The following HGSNAT variants were observed in gnomAD, a reference collection of about 807,000 sequenced individuals.
HGSNAT encodes transmembrane protein 76.
In HGSNAT, 59 loss-of-function variants were observed where a neutral mutation model predicts 85.2. The ratio of observed to expected loss-of-function variants is 0.69; its 90% CI spans 0.56 to 0.86. The LOEUF (loss-of-function observed/expected upper bound fraction) is 0.86. Among genes scored for constraint, HGSNAT ranks in the 40% least tolerant of loss-of-function variants. The pLI is 0.00. For missense variants in HGSNAT, 756 were observed against 777.1 expected (o/e 0.97, Z 0.32); for synonymous variants, 321 against 304.5 (o/e 1.05, Z -0.56).
At position 43,192,320 on chromosome 8, in the gene HGSNAT, G is replaced by A; in HGVS notation, c.1267G>A (p.Gly423Arg). 1 of 1,608,386 alleles carries A rather than the reference G, an allele frequency of 6.2e-7. No homozygotes were observed. Among genetic ancestry groups the A allele is most frequent in the Non-Finnish European group, 8.5e-7 (1 of 1,177,728 alleles). ...CCTTCCTAGTGGTTATCTTGGTCCT[G>A]GGGGCATTGGAGATTTTGGCAAGTA... ...PGCPTGYLGP[G>R]GIGDFGKYPN... The change falls in exon 13 of 18, where the codon GGG becomes AGG. Residue 423 changes from glycine (G) to arginine (R), a missense_variant. By Grantham distance (125) the Gly-to-Arg change is moderately radical (BLOSUM62 -2). Transcript: ENST00000379644.
chr8:43,194,861 A>G (rs958052726), intron 14 of HGSNAT, among the ~76,000 whole-genome samples: 2 of 152,250 alleles, frequency 1.3e-5, no homozygotes, highest in East Asian at 1.9e-4. Context: ...GTCGCCATCT[A>G]TCTGAAAACA....
intron 2 of HGSNAT, among the ~76,000 whole-genome samples, chr8:43,151,834 C>T: frequency 6.6e-6 from 1 of 152,194 alleles, no homozygotes; most frequent in East Asian, 1.9e-4. Context: ...TAACTTACAA[C>T]ACTCCAGTAG....
At position 43,183,587 on chromosome 8, in the gene HGSNAT, C is replaced by G. The variant is rs558891019; in HGVS notation, c.1128+1327C>G. On this transcript the variant is annotated intron_variant, in intron 11 of 17. Coordinates refer to ENST00000379644, the MANE Select transcript of HGSNAT (RefSeq NM_152419.3). ...CTGGGTTCACGCCGTTCTCCTGTCTCAGCCTCCTGAGTAGCTGGGACTACA... is the reference window on the plus strand; with the variant it reads ...CTGGGTTCACGCCGTTCTCCTGTCTGAGCCTCCTGAGTAGCTGGGACTACA... 3.3e-5 allele frequency among the ~76,000 whole-genome samples: 5 copies of G among 152,154 alleles called. No individual in the cohort carries two copies. In the South Asian group the frequency reaches 1.0e-3, roughly 32 times the overall value.
chr8:43,163,672 C>T (rs535173142), intron 5 of HGSNAT, among the ~76,000 whole-genome samples: 70 of 152,036 alleles, frequency 4.6e-4, no homozygotes, highest in Middle Eastern at 3.4e-3. Flanking sequence ...ATTACAGGCA[C>T]GTGACACCAT....
At chr8:43,167,543 A>C (rs1329310736) in intron 5 of HGSNAT, among the ~76,000 whole-genome samples, 2 of 152,242 alleles carry the variant, frequency 1.3e-5, no homozygotes, top group Non-Finnish European at 2.9e-5. Flanking sequence ...CTTTTTGTGC[A>C]TAATGGTATT....
intron 16 of HGSNAT, 39 bp from the exon 17 acceptor site, chr8:43,197,801 T>G: frequency 6.2e-7 from 1 of 1,601,780 alleles, no homozygotes; most frequent in Non-Finnish European, 8.6e-7. Context: ...TTGGATTTGT[T>G]CCGTACGAGC....
chr8:43,141,254 C>T (rs1586691414), intron 1 of HGSNAT, among the ~76,000 whole-genome samples: 3 of 152,296 alleles, frequency 2.0e-5, no homozygotes, highest in Non-Finnish European at 1.5e-5. Flanking sequence ...CGCGCGTCTC[C>T]CCTCGGCGCG....
intron 11 of HGSNAT, among the ~76,000 whole-genome samples, chr8:43,190,746 G>C (rs1271977053): frequency 6.6e-6 from 1 of 152,086 alleles, no homozygotes; most frequent in Non-Finnish European, 1.5e-5. Flanking sequence ...TTAAATCACA[G>C]GTATATTGAT....
intron 2 of HGSNAT, among the ~76,000 whole-genome samples, chr8:43,149,243 T>G (rs1802815569): frequency 6.6e-6 from 1 of 151,970 alleles, no homozygotes; most frequent in South Asian, 2.1e-4. Context: ...TATAAAGAAG[T>G]GACACAGGGT....
chr8:43,149,800 A>G (rs1219094055), intron 2 of HGSNAT, among the ~76,000 whole-genome samples: 2 of 152,220 alleles, frequency 1.3e-5, no homozygotes, highest in South Asian at 2.1e-4. Flanking sequence ...TACATTTAGT[A>G]AACCAGATAA....
At chr8:43,197,127 C>T in intron 15 of HGSNAT, 102 bp downstream of exon 15, 1 of 762,764 alleles carries the variant, frequency 1.3e-6, no homozygotes, top group Admixed American at 2.1e-5. Flanking sequence ...ATTGTCACCA[C>T]ATGGCAGCAG....
In HGSNAT at chr8:43,201,370, T is replaced by C. The variant is rs3739431; in HGVS notation, c.*1801T>C. 0.88 allele frequency: 134,291 copies of C among 152,492 alleles called. 59,986 individuals carry two copies. Among genetic ancestry groups the C allele is most frequent in the Non-Finnish European group, 0.97 (66,015 of 68,238 alleles). 9.4% of individuals were successfully genotyped at this position (152,492 alleles called of 1,614,324 possible). On this transcript the variant is annotated 3_prime_UTR_variant, in exon 18 of 18. Coordinates refer to ENST00000379644, the MANE Select transcript of HGSNAT (RefSeq NM_152419.3). The surrounding 1 kb of genome is among the most constrained non-coding windows in gnomAD (Gnocchi z 4.4). Reference sequence around the variant, plus strand: ...TCCCCTCCCACTCCACTCCCTGCTCTCTCCTCCACCTCCCCATCCTCTTGT... The same window carrying C: ...TCCCCTCCCACTCCACTCCCTGCTCCCTCCTCCACCTCCCCATCCTCTTGT...
At chr8:43,158,291 G>T (rs1456385782) in intron 2 of HGSNAT, among the ~76,000 whole-genome samples, 2 of 152,118 alleles carry the variant, frequency 1.3e-5, no homozygotes, top group African/African-American at 4.8e-5. Context: ...GTAGAGACAG[G>T]GTTTCACCAT....
At chr8:43,174,601 CTTA>C (rs1205032044) in intron 9 of HGSNAT, among the ~76,000 whole-genome samples, 6 of 151,850 alleles carry the variant, frequency 4.0e-5, no homozygotes, top group Admixed American at 1.3e-4. Context: ...TAGTACCAGC[CTTA>C]TTATTGTTAT....
At chr8:43,197,979 G>A in intron 17 of HGSNAT, 27 bp downstream of exon 17, 1 of 1,524,488 alleles carries the variant, frequency 6.6e-7, no homozygotes, top group South Asian at 1.1e-5. Context: ...CTCAAACAGA[G>A]CTGGGATGGT....
rs1304780108 is a variant in HGSNAT, at chr8:43,147,014, T to C, written c.185T>C (p.Leu62Pro). 2.5e-6 allele frequency: 4 copies of C among 1,609,674 alleles called. No individual in the cohort carries two copies. In the Admixed American group the frequency reaches 6.8e-5, roughly 27 times the overall value. Residue 62 changes from leucine (L) to proline (P), a missense_variant, in exon 2 of 18, where the codon CTT becomes CCT. Physicochemically the swap from Leu to Pro is moderately conservative, Grantham distance 98. Transcript: ENST00000379644. Reference protein sequence around the residue: ...DQALLLIHNELLWTNLTVYWK... With the variant: ...DQALLLIHNEPLWTNLTVYWK... ...GCTTTGCTACTCATCCATAATGAAC[T>C]TCTCTGGACCAACTTGACCGTCTAC...
At chr8:43,185,612 A>G (rs1370766191) in intron 11 of HGSNAT, among the ~76,000 whole-genome samples, 1 of 152,150 alleles carries the variant, frequency 6.6e-6, no homozygotes, top group African/African-American at 2.4e-5. Context: ...CTCCTTTCCT[A>G]ATTGAATACC....
rs113118351 is a variant in HGSNAT, at chr8:43,195,344, C to T, written c.1464+1501C>T. 6.4e-3 allele frequency among the ~76,000 whole-genome samples: 967 copies of T among 152,114 alleles called. 13 individuals are homozygous for T. The highest frequency in any genetic ancestry group is 0.022 in the African/African-American group (903 of 41,488). On this transcript the variant is annotated intron_variant, in intron 14 of 17. Transcript: ENST00000379644. ...ATAAATATTATATACTGTGTTTTTACAATAAAGTAAGCTCAAGAAAAGAAA... is the reference window on the plus strand; with the variant it reads ...ATAAATATTATATACTGTGTTTTTATAATAAAGTAAGCTCAAGAAAAGAAA...
At chr8:43,141,806 G>A (rs1205654604) in intron 1 of HGSNAT, among the ~76,000 whole-genome samples, 2 of 152,114 alleles carry the variant, frequency 1.3e-5, no homozygotes, top group East Asian at 1.9e-4. Flanking sequence ...CAAGGACCCC[G>A]GGGAGGTTAT....
Sources: gnomAD v4.1 joint callset for allele counts (sites outside exome capture counted in the v4.1 genomes callset) on GRCh38, gnomAD v4.1.1 for gene constraint, Gnocchi (gnomAD v3.1) non-coding constraint, MANE v1.5 for transcripts, NCBI Gene and HGNC (gene_info 2026-07-23, HGNC 2026-07-21) for gene names.